Variants in CAPN11 observed in about 807,000 individuals in gnomAD.
CAPN11 encodes calpain 11, also known as calpain-11.
A neutral mutation model predicts 105.3 loss-of-function variants in CAPN11; 108 were observed. That is an observed-to-expected ratio of 1.03 (90% CI 0.88 to 1.20). The LOEUF is 1.20. Ranked by LOEUF, CAPN11 falls within the 50% of genes most tolerant of loss-of-function variation. The probability of loss-of-function intolerance (pLI) is 0.00; values close to 1 mark genes in which losing one functional copy is unlikely to be tolerated. For missense variants in CAPN11, 883 were observed against 924.8 expected (o/e 0.95, Z 0.59); for synonymous variants, 329 against 344.5 (o/e 0.96, Z 0.50).
chr6:44,161,780 G>GTCCT, intron 1 of CAPN11: 1 of 456,118 alleles, frequency 2.2e-6, no homozygotes, highest in Non-Finnish European at 4.4e-6. Context: ...ATCTTCCCTG[G>GTCCT]TCCTTCCAGG....
chr6:44,181,581 T>C (rs113449469), intron 19 of CAPN11, among the ~76,000 whole-genome samples: 2,100 of 3,694 alleles, frequency 0.57, 647 homozygotes, highest in Non-Finnish European at 0.61. Context: ...ACACCACACA[T>C]ACACACTCAC....
At position 44,181,443 on chromosome 6, in the gene CAPN11, C is replaced by CCACATACACACATA. The variant is rs1773159167; in HGVS notation, c.1938+127_1938+128insTACACACATACACA. On this transcript the variant is annotated intron_variant, in intron 19 of 22. Transcript: ENST00000398776. ...ACACACACACACACACCCAACCACA[C>CCACATACACACATA]CACACTCACACACACACACACACAC... 3.4e-6 allele frequency: 2 copies of CCACATACACACATA among 589,932 alleles called. 1 individual carries two copies. The highest frequency in any genetic ancestry group is 4.8e-5 in the African/African-American group (2 of 41,624). 36.5% of individuals were successfully genotyped at this position (589,932 alleles called of 1,614,324 possible).
chr6:44,181,449 T>TCACACACACA (rs150427721), intron 19 of CAPN11, 129 bp downstream of exon 19: 1 of 286,594 alleles, frequency 3.5e-6, no homozygotes, highest in African/African-American at 5.0e-5. Flanking sequence ...CACACCACAC[T>TCACACACACA]CACACACACA....
At chr6:44,177,213 A>C (rs1389945056) in intron 11 of CAPN11, 29 bp from the exon 12 acceptor site, 5 of 1,553,110 alleles carry the variant, frequency 3.2e-6, no homozygotes, top group Non-Finnish European at 4.4e-6. Flanking sequence ...AAGCCCCCGT[A>C]TAACCACGCT....
intron 4 of CAPN11, among the ~76,000 whole-genome samples, chr6:44,171,154 C>G (rs1387274901): frequency 6.6e-6 from 1 of 152,140 alleles, no homozygotes; most frequent in East Asian, 1.9e-4. Context: ...AGCCAAGAGG[C>G]CATTGGTAAT....
intron 3 of CAPN11, 83 bp from the exon 4 acceptor site, chr6:44,169,822 TG>T: frequency 9.2e-7 from 1 of 1,082,952 alleles, no homozygotes; most frequent in Non-Finnish European, 1.4e-6. Context: ...AACTTCAAGG[TG>T]GGCATCATTC....
At position 44,166,827 on chromosome 6, in the gene CAPN11, C is replaced by A. The variant is rs901085653; in HGVS notation, c.86C>A (p.Ala29Glu). The A allele has an allele frequency of 3.9e-6, 6 of 1,546,736 alleles. No individual in the cohort carries two copies. The African/African-American group carries it at 4.1e-5, about 11-fold the overall frequency. ...GAGGATAAGCCTCGGGGCTCATGTG[C>A]GGGTAGGACTGCAGACCCGTCGTGG... ...SQEDKPRGSC[A>E]EPTFTDTGMV... Residue 29 changes from alanine to glutamate, a missense_variant and splice_region_variant, in exon 2 of 23, where the codon GCG (alanine) becomes GAG (glutamate). Coordinates refer to ENST00000398776, the MANE Select transcript of CAPN11 (RefSeq NM_007058.4).
At chr6:44,167,497 CAAAAAAAAAA>C (rs61107654) in intron 2 of CAPN11, among the ~76,000 whole-genome samples, 8 of 27,076 alleles carry the variant, frequency 3.0e-4, no homozygotes, top group African/African-American at 8.5e-4. Flanking sequence ...GACTCCATCT[CAAAAAAAAAA>C]AAAAAAAAAA....
Position 44,180,177 on chromosome 6 carries a change from G to T in CAPN11, c.1640+14G>T. ...CAGCGAGTCATGGTAAGGGGCTGCA[G>T]CTCACTGCTCCAAGGCCCGCCACCC... On this transcript the variant is annotated intron_variant, in intron 14 of 22. Transcript: ENST00000398776. 6.3e-7 allele frequency: 1 copy of T among 1,587,094 alleles called. No individual in the cohort carries two copies.
At chr6:44,158,907 AG>A (rs749509180) in intron 1 of CAPN11, 43 bp downstream of exon 1, 3 of 1,531,510 alleles carry the variant, frequency 2.0e-6, no homozygotes, top group Non-Finnish European at 2.7e-6. Flanking sequence ...TACCTCCTGC[AG>A]GCTAGAGCCT....
chr6:44,167,010 C>T (rs777280727), intron 2 of CAPN11, among the ~76,000 whole-genome samples, 181 bp downstream of exon 2: 15 of 152,104 alleles, frequency 9.9e-5, no homozygotes, highest in African/African-American at 2.2e-4. Context: ...CCCCTGGGGG[C>T]GGAGGTGTGG....
chr6:44,182,908 A>G (rs754046966), intron 19 of CAPN11, 33 bp from the exon 20 acceptor site: 5 of 1,498,138 alleles, frequency 3.3e-6, no homozygotes, highest in African/African-American at 2.8e-5. Context: ...CATGCCATGC[A>G]TGTGGCCCTA....
intron 14 of CAPN11, 75 bp downstream of exon 14, chr6:44,180,238 T>C: frequency 8.7e-7 from 1 of 1,143,162 alleles, no homozygotes; most frequent in Non-Finnish European, 1.3e-6. Context: ...GGAGCTGCTG[T>C]CGGGTCCTCC....
At position 44,183,925 on chromosome 6, in the gene CAPN11, G is replaced by A. The variant is rs780481951; in HGVS notation, c.2213G>A (p.Trp738Ter). 9.0e-6 allele frequency: 14 copies of A among 1,555,978 alleles called. No individual in the cohort carries two copies. In the African/African-American group the frequency reaches 1.1e-4, roughly 12 times the overall value. The part of the protein sequence containing the change: ...SLEQWLQMTM[W>*]G Reference sequence around the variant, plus strand: ...CCACAGTGGCTGCAGATGACCATGTGGGGATAGAGGCGCTGTAGGAGCCTG... The same window carrying A: ...CCACAGTGGCTGCAGATGACCATGTAGGGATAGAGGCGCTGTAGGAGCCTG... Residue 738 changes from tryptophan (W) to a stop codon, truncating the protein, a stop_gained, in exon 23 of 23, where the codon TGG (tryptophan) becomes TAG (stop). Coordinates refer to ENST00000398776, the MANE Select transcript of CAPN11 (RefSeq NM_007058.4). LOFTEE classifies it high-confidence loss of function.
At chr6:44,176,783 G>C (rs540973231) in intron 10 of CAPN11, 55 bp from the exon 11 acceptor site, 2 of 1,602,620 alleles carry the variant, frequency 1.2e-6, no homozygotes, top group Non-Finnish European at 1.7e-6. Flanking sequence ...TTCAGGGAGA[G>C]GGAACTGAGG....
intron 4 of CAPN11, among the ~76,000 whole-genome samples, chr6:44,171,615 C>T (rs760704067): frequency 6.6e-6 from 1 of 152,006 alleles, no homozygotes; most frequent in African/African-American, 2.4e-5. Context: ...ACTGCTTGAG[C>T]TCAGGAGTTC....
Position 44,176,625 on chromosome 6 carries a change from T to C in CAPN11, c.1046T>C (p.Leu349Pro), listed in dbSNP as rs753546351. The change falls in exon 10 of 23, where the codon CTG becomes CCG. Residue 349 changes from leucine (L) to proline (P), a missense_variant. Coordinates refer to ENST00000398776, the MANE Select transcript of CAPN11 (RefSeq NM_007058.4). ...EEVASDIQMQLLHKTEDGEFW... is the reference protein window; with the variant it reads ...EEVASDIQMQPLHKTEDGEFW... ...GTGGCCTCAGACATCCAGATGCAGC[T>C]GCTGCACAAGACGGAGGACGGGGAG... 1.9e-6 allele frequency: 3 copies of C among 1,609,200 alleles called. No homozygotes were observed. The highest frequency in any genetic ancestry group is 2.2e-5 in the East Asian group (1 of 44,782).
chr6:44,161,671 G>T (rs1428356222), intron 1 of CAPN11: 1 of 412,846 alleles, frequency 2.4e-6, no homozygotes, highest in East Asian at 7.2e-5. Flanking sequence ...GTGACTAGGG[G>T]ACAGAGGGCT....
intron 18 of CAPN11, 65 bp from the exon 19 acceptor site, chr6:44,181,187 G>A (rs1013330090): frequency 1.1e-5 from 16 of 1,481,390 alleles, no homozygotes; most frequent in East Asian, 9.0e-5. Flanking sequence ...AGGAACCCCC[G>A]CTGCTTCCCT....
Sources: gnomAD v4.1 joint callset for allele counts (sites outside exome capture counted in the v4.1 genomes callset) on GRCh38, gnomAD v4.1.1 for gene constraint, MANE v1.5 for transcripts, NCBI Gene and HGNC (gene_info 2026-07-23, HGNC 2026-07-21) for gene names.